USO1: variants seen among roughly 807,000 people sequenced by gnomAD.
USO1 encodes USO1 vesicle transport factor.
A neutral mutation model predicts 124.5 loss-of-function variants in USO1; 57 were observed. The ratio of observed to expected loss-of-function variants is 0.46; its 90% CI spans 0.37 to 0.57. The LOEUF (loss-of-function observed/expected upper bound fraction) is 0.57. Ranked by LOEUF, USO1 falls within the 20% of genes least tolerant of loss-of-function variation. The pLI is 0.00. For missense variants in USO1, 900 were observed against 1,040.6 expected (o/e 0.86, Z 1.86); for synonymous variants, 369 against 362.8 (o/e 1.02, Z -0.19).
chr4:75,810,766 C>T (rs1723126204), intron 22 of USO1, among the ~76,000 whole-genome samples: 1 of 152,094 alleles, frequency 6.6e-6, no homozygotes, highest in Non-Finnish European at 1.5e-5. Flanking sequence ...GAGTTTCGCT[C>T]TGTCACCAGA....
intron 4 of USO1, among the ~76,000 whole-genome samples, chr4:75,758,826 A>T (rs1721514942): frequency 6.6e-6 from 1 of 152,220 alleles, no homozygotes; most frequent in Non-Finnish European, 1.5e-5. Flanking sequence ...TTTGGTACCC[A>T]TGGAAAAAGA....
At chr4:75,741,394 T>C (rs969912849) in intron 1 of USO1, among the ~76,000 whole-genome samples, 1 of 152,142 alleles carries the variant, frequency 6.6e-6, no homozygotes, top group African/African-American at 2.4e-5. Context: ...ACTATACACT[T>C]AAGGCTACAC....
chr4:75,735,321 C>T (rs1229466070), intron 1 of USO1, among the ~76,000 whole-genome samples: 1 of 152,130 alleles, frequency 6.6e-6, no homozygotes, highest in East Asian at 1.9e-4. Context: ...CGTTTATCAG[C>T]TCTAGGTGCC....
chr4:75,784,224 T>C (rs970125858), intron 9 of USO1, among the ~76,000 whole-genome samples: 2 of 152,194 alleles, frequency 1.3e-5, no homozygotes, highest in African/African-American at 4.8e-5. Flanking sequence ...TCTCACTGTA[T>C]TGCCAGGCTG....
Position 75,810,469 on chromosome 4 carries a change from T to C in USO1, c.2513T>C (p.Ile838Thr), listed in dbSNP as rs1334226670. Residue 838 changes from isoleucine (I) to threonine (T), a missense_variant, in exon 22 of 24, where the codon ATA (isoleucine) becomes ACA (threonine). Ile to Thr is a moderately conservative substitution (Grantham distance 89). This residue lies in a region of USO1 where 362 missense variants were observed against 359.0 expected (regional missense o/e 1.01). Coordinates refer to ENST00000514213, the MANE Select transcript of USO1 (RefSeq NM_003715.4). ...SVEVQGETETIIATKTTDVEG... is the reference protein window; with the variant it reads ...SVEVQGETETTIATKTTDVEG... ...GAGGTACAAGGAGAGACCGAGACTA[T>C]AATAGCCACCAAAACTACTGATGTA... is the stretch of plus-strand genomic sequence containing the variant. The C allele has an allele frequency of 6.2e-7, 1 of 1,613,118 alleles. No homozygotes were observed. Among genetic ancestry groups the C allele is most frequent in the Admixed American group, 1.7e-5 (1 of 59,944 alleles).
intron 4 of USO1, among the ~76,000 whole-genome samples, chr4:75,763,256 A>G (rs1424267276): frequency 1.3e-5 from 2 of 152,232 alleles, no homozygotes; most frequent in African/African-American, 4.8e-5. Flanking sequence ...CTATACAGAC[A>G]GATGATGGTT....
At chr4:75,725,808 A>C (rs1720420767) in intron 1 of USO1, among the ~76,000 whole-genome samples, 1 of 152,166 alleles carries the variant, frequency 6.6e-6, no homozygotes, top group East Asian at 1.9e-4. Flanking sequence ...TAACACTTTA[A>C]TGGCTAACTT....
In USO1 at chr4:75,808,968, A is replaced by C; in HGVS notation, c.2392A>C (p.Lys798Gln). The C allele has an allele frequency of 6.2e-7, 1 of 1,600,378 alleles. No individual in the cohort carries two copies. Among genetic ancestry groups the C allele is most frequent in the Non-Finnish European group, 8.5e-7 (1 of 1,173,664 alleles). The change falls in exon 21 of 24, where the codon AAG becomes CAG. Residue 798 changes from lysine to glutamine, a missense_variant. By Grantham distance (53) the Lys-to-Gln change is moderately conservative (BLOSUM62 1). Transcript: ENST00000514213. ...AELKQELATL[K>Q]SQLNSQSVEI... Reference sequence around the variant, plus strand: ...TGTCTCTTAGGAACTGGCAACTTTAAAGTCTCAGTTAAACTCACAATCTGT... The same window carrying C: ...TGTCTCTTAGGAACTGGCAACTTTACAGTCTCAGTTAAACTCACAATCTGT...
At chr4:75,727,302 C>CAATTTCAA (rs1395419553) in intron 1 of USO1, among the ~76,000 whole-genome samples, 3 of 152,140 alleles carry the variant, frequency 2.0e-5, no homozygotes, top group African/African-American at 7.2e-5. Context: ...TTTTATATCA[C>CAATTTCAA]AATTTCAAAG....
At chr4:75,765,511 T>G (rs1721745411) in intron 4 of USO1, among the ~76,000 whole-genome samples, 1 of 152,180 alleles carries the variant, frequency 6.6e-6, no homozygotes, top group African/African-American at 2.4e-5. Context: ...TTTCAAAAGA[T>G]TCTACCAGCT....
At chr4:75,744,571 C>A (rs939321420) in intron 1 of USO1, among the ~76,000 whole-genome samples, 1 of 152,144 alleles carries the variant, frequency 6.6e-6, no homozygotes, top group East Asian at 1.9e-4. Flanking sequence ...AGGCACCCAC[C>A]ATCACACCCA....
chr4:75,810,952 A>G (rs1427279848), intron 22 of USO1, among the ~76,000 whole-genome samples: 1 of 152,014 alleles, frequency 6.6e-6, no homozygotes, highest in Non-Finnish European at 1.5e-5. Flanking sequence ...GATGGTCTCC[A>G]TCTCTTGACC....
intron 20 of USO1, 124 bp downstream of exon 20, chr4:75,806,696 C>G (rs1723007234): frequency 1.6e-6 from 2 of 1,273,966 alleles, no homozygotes; most frequent in African/African-American, 1.5e-5. Context: ...GTTAAGACAG[C>G]CATTTGAAAA....
intron 10 of USO1, among the ~76,000 whole-genome samples, chr4:75,788,829 G>A (rs1318247979): frequency 2.0e-5 from 3 of 151,722 alleles, no homozygotes; most frequent in Non-Finnish European, 4.4e-5. Context: ...CACTGCACCC[G>A]GCCGTTATTT....
intron 8 of USO1, among the ~76,000 whole-genome samples, chr4:75,775,439 T>C (rs1722046796): frequency 6.6e-6 from 1 of 152,104 alleles, no homozygotes; most frequent in South Asian, 2.1e-4. Flanking sequence ...CTTGGGAGGC[T>C]GAGAAACGAG....
At chr4:75,794,850 A>G (rs1245604699) in intron 13 of USO1, among the ~76,000 whole-genome samples, 1 of 152,232 alleles carries the variant, frequency 6.6e-6, no homozygotes, top group Non-Finnish European at 1.5e-5. Flanking sequence ...GAAGTTTAAA[A>G]TTGGTTTACT....
chr4:75,800,707 C>G lies in USO1; in HGVS notation c.1772C>G (p.Ser591Cys). The G allele has an allele frequency of 6.2e-7, 1 of 1,610,488 alleles. No homozygotes were observed. The highest frequency in any genetic ancestry group is 1.1e-5 in the South Asian group (1 of 90,172). ...TTTATTAGCAAACATGAGTTGTATT[C>G]CAGAGCATCTCAGAAACCCCAGCCA... ...LGFISKHELY[S>C]RASQKPQPNF... Residue 591 changes from serine to cysteine, a missense_variant, in exon 16 of 24, where the codon TCC becomes TGC. Physicochemically the swap from Ser to Cys is moderately radical, Grantham distance 112. Around this residue, in one of 2 missense-constraint regions of USO1, gnomAD observed 538 missense variants for 681.6 expected, o/e 0.79. Coordinates refer to ENST00000514213, the MANE Select transcript of USO1 (RefSeq NM_003715.4).
At chr4:75,790,057 AAC>A (rs1491070626) in intron 10 of USO1, 91 bp from the exon 11 acceptor site, 13 of 1,333,692 alleles carry the variant, frequency 9.7e-6, no homozygotes, top group Admixed American at 9.1e-5. Flanking sequence ...TAAAAAAAAA[AAC>A]AAAAAAAAAA....
chr4:75,786,320 A>G (rs1396150622), intron 9 of USO1, among the ~76,000 whole-genome samples: 1 of 152,172 alleles, frequency 6.6e-6, no homozygotes, highest in African/African-American at 2.4e-5. Context: ...TAATGTTTGT[A>G]TAGCACTTTG....
Sources: allele counts gnomAD v4.1 joint callset (sites outside exome capture counted in the v4.1 genomes callset), GRCh38; gene constraint gnomAD v4.1.1; regional missense constraint gnomAD v4.1.1; transcripts MANE v1.5; gene names NCBI Gene and HGNC (gene_info 2026-07-23, HGNC 2026-07-21).